PLEKHM3: variants seen among roughly 807,000 people sequenced by gnomAD.
The protein encoded by PLEKHM3 is pleckstrin homology domain containing M3.
Under a neutral mutation model 81.8 loss-of-function variants are expected in PLEKHM3, and 45 were observed. That is an observed-to-expected ratio of 0.55 (90% confidence interval 0.43 to 0.71). The LOEUF is 0.71. PLEKHM3 is among the 30% of genes least tolerant of loss of function. The pLI, the probability that PLEKHM3 is intolerant of heterozygous loss-of-function variation, is 0.00. For synonymous variants in PLEKHM3, 352 were observed against 356.4 expected (o/e 0.99, Z 0.14); for missense variants, 788 against 924.3 (o/e 0.85, Z 1.91).
Position 207,825,647 on chromosome 2 carries a change from A to G in PLEKHM3, c.*2672T>C, listed in dbSNP as rs1020072311. 4.6e-5 allele frequency: 7 copies of G among 152,138 alleles called. No homozygotes were observed. The highest frequency in any genetic ancestry group is 1.7e-4 in the African/African-American group (7 of 41,430). The allele number at this position is 152,138 out of a possible 1,614,324, so 9.4% of individuals were successfully genotyped here. A position where few individuals can be genotyped will look rare whatever the true frequency, so the allele number is the denominator to read the frequency against. On this transcript the variant is annotated 3_prime_UTR_variant, in exon 8 of 8. Transcript: ENST00000427836. ...ATTTTCATGGCAGACCCAACTCCTA[A>G]GCTGGCTCCACTCTGTCCTATCAGA...
At chr2:207,942,705 C>T (rs1689984884) in intron 4 of PLEKHM3, among the ~76,000 whole-genome samples, 2 of 152,080 alleles carry the variant, frequency 1.3e-5, no homozygotes. Context: ...TCGAGATCAT[C>T]CTGGCCAACA....
At chr2:207,948,116 A>C (rs1232138346) in intron 3 of PLEKHM3, among the ~76,000 whole-genome samples, 2 of 152,146 alleles carry the variant, frequency 1.3e-5, no homozygotes, top group Non-Finnish European at 1.5e-5. Context: ...TGTTCTTCAG[A>C]CTGGCTAAGG....
chr2:208,021,720 C>A (rs1693137779), intron 1 of PLEKHM3, among the ~76,000 whole-genome samples: 1 of 152,198 alleles, frequency 6.6e-6, no homozygotes, highest in Admixed American at 6.5e-5. Flanking sequence ...TGCCTATTCA[C>A]CCTCCACTGG....
At chr2:207,886,074 A>G (rs1475840750) in intron 6 of PLEKHM3, among the ~76,000 whole-genome samples, 3 of 152,218 alleles carry the variant, frequency 2.0e-5, no homozygotes, top group Non-Finnish European at 2.9e-5. Flanking sequence ...TAAAGATGCT[A>G]AAAACAAAAC....
In PLEKHM3 at chr2:207,823,007, C is replaced by T. The variant is rs537416665; in HGVS notation, c.*5312G>A. 6.6e-6 allele frequency: 1 copy of T among 152,268 alleles called. No homozygotes were observed. Among genetic ancestry groups the T allele is most frequent in the Non-Finnish European group, 1.5e-5 (1 of 68,128 alleles). 9.4% of individuals were successfully genotyped at this position (152,268 alleles called of 1,614,324 possible). On this transcript the variant is annotated 3_prime_UTR_variant, in exon 8 of 8. Coordinates refer to ENST00000427836, the MANE Select transcript of PLEKHM3 (RefSeq NM_001080475.3). ...GAGAGGCTGGTTTGCAGCTTCACGG[C>T]CAATAGGAGGGAGCCCTCCTAAGAG... is the stretch of plus-strand genomic sequence containing the variant.
chr2:207,854,950 G>A (rs2092430284), intron 7 of PLEKHM3, among the ~76,000 whole-genome samples: 1 of 152,148 alleles, frequency 6.6e-6, no homozygotes. Flanking sequence ...AGATTCTGGA[G>A]TTTTAAAAGC....
intron 7 of PLEKHM3, among the ~76,000 whole-genome samples, chr2:207,840,886 C>T (rs372807463): frequency 6.7e-6 from 1 of 149,060 alleles, no homozygotes; most frequent in Non-Finnish European, 1.5e-5. Context: ...CTGCCACCTC[C>T]GCCTCCTGGG....
intron 3 of PLEKHM3, among the ~76,000 whole-genome samples, chr2:207,956,936 T>C (rs1474273776): frequency 6.6e-6 from 1 of 151,942 alleles, no homozygotes; most frequent in Non-Finnish European, 1.5e-5. Flanking sequence ...AGTTGATAAG[T>C]TACTGCACCA....
intron 7 of PLEKHM3, among the ~76,000 whole-genome samples, chr2:207,847,896 G>A (rs550629683): frequency 8.5e-5 from 13 of 152,156 alleles, no homozygotes; most frequent in African/African-American, 1.2e-4. Flanking sequence ...CCTGAAGACC[G>A]GCCTAGCCAA....
rs1301898540 is a variant in PLEKHM3 at position 207,930,999 on chromosome 2, G to A, written c.1813C>T (p.Arg605Trp). 3 of 1,613,616 alleles carry A rather than the reference G, an allele frequency of 1.9e-6. No individual in the cohort carries two copies. Among genetic ancestry groups the A allele is most frequent in the East Asian group, 2.2e-5 (1 of 44,882 alleles). Reference sequence around the variant, plus strand: ...GCTCGGAGCGACTTCAGCCGCTGCCGCAGCCGCAGCACGGCGGCCAGCGGC... The same window carrying A: ...GCTCGGAGCGACTTCAGCCGCTGCCACAGCCGCAGCACGGCGGCCAGCGGC... ...AEPLAAVLRLRQRLKSLRAYL... is the reference protein window; with the variant it reads ...AEPLAAVLRLWQRLKSLRAYL... Residue 605 changes from arginine to tryptophan, a missense_variant, in exon 5 of 8, where the codon CGG becomes TGG. Transcript: ENST00000427836.
intron 7 of PLEKHM3, among the ~76,000 whole-genome samples, chr2:207,859,136 CTTTTTTT>C (rs371493664): frequency 0.034 from 4,054 of 118,396 alleles, 178 homozygotes; most frequent in African/African-American, 0.12. Context: ...TTTTCTTTTT[CTTTTTTT>C]TTTTTTTTTT....
At chr2:208,009,886 G>C (rs997720146) in intron 1 of PLEKHM3, among the ~76,000 whole-genome samples, 1 of 152,116 alleles carries the variant, frequency 6.6e-6, no homozygotes, top group East Asian at 1.9e-4. Flanking sequence ...CATACTTTCC[G>C]AAACGTTATG....
intron 4 of PLEKHM3, among the ~76,000 whole-genome samples, chr2:207,936,803 A>C (rs2105950726): frequency 6.6e-6 from 1 of 152,212 alleles, no homozygotes; most frequent in East Asian, 1.9e-4. Flanking sequence ...AAAAGACTGG[A>C]AAAATCTAAA....
chr2:207,940,921 A>G (rs1442535366), intron 4 of PLEKHM3, among the ~76,000 whole-genome samples: 2 of 152,244 alleles, frequency 1.3e-5, no homozygotes, highest in African/African-American at 4.8e-5. Context: ...TAGGATAGGT[A>G]CAAATATAGA....
At chr2:207,921,062 C>CT (rs2105921327) in intron 5 of PLEKHM3, among the ~76,000 whole-genome samples, 1 of 151,952 alleles carries the variant, frequency 6.6e-6, no homozygotes, top group East Asian at 1.9e-4. Context: ...TTCCTTCCTA[C>CT]TTTTTTTGAT....
At chr2:207,959,557 G>A (rs1272704028) in intron 3 of PLEKHM3, among the ~76,000 whole-genome samples, 1 of 152,102 alleles carries the variant, frequency 6.6e-6, no homozygotes, top group Non-Finnish European at 1.5e-5. Flanking sequence ...GGTCCCCTCT[G>A]ACTTCTCTTT....
At chr2:207,838,991 C>T (rs959180400) in intron 7 of PLEKHM3, among the ~76,000 whole-genome samples, 1 of 152,108 alleles carries the variant, frequency 6.6e-6, no homozygotes, top group Non-Finnish European at 1.5e-5. Flanking sequence ...GATTATTAGG[C>T]GAATGCAGAT....
At chr2:207,923,492 A>G (rs1308292492) in intron 5 of PLEKHM3, among the ~76,000 whole-genome samples, 2 of 152,028 alleles carry the variant, frequency 1.3e-5, no homozygotes, top group Non-Finnish European at 2.9e-5. Flanking sequence ...CTGTAACCCC[A>G]GCTACTCGGG....
In PLEKHM3 at chr2:207,988,895, G is replaced by A. The variant is rs112037200; in HGVS notation, c.611-11309C>T. Among the ~76,000 whole-genome samples the A allele has an allele frequency of 5.3e-3, 800 of 152,170 alleles. 5 individuals carry two copies. The highest frequency in any genetic ancestry group is 8.7e-3 in the Admixed American group (133 of 15,284). ...AACAAGCCAAGCACATTCTAGCTCC[G>A]AGGCCTCTGAGTTGCCATGTTCTCT... On this transcript the variant is annotated intron_variant, in intron 2 of 7. Coordinates refer to ENST00000427836, the MANE Select transcript of PLEKHM3 (RefSeq NM_001080475.3).
Sources: allele counts gnomAD v4.1 joint callset (sites outside exome capture counted in the v4.1 genomes callset), GRCh38; gene constraint gnomAD v4.1.1; transcripts MANE v1.5; gene names NCBI Gene and HGNC (gene_info 2026-07-23, HGNC 2026-07-21).